FHIT: variants seen among roughly 807,000 people sequenced by gnomAD.
FHIT encodes the protein fragile histidine triad diadenosine triphosphatase.
Under a neutral mutation model 17.9 loss-of-function variants are expected in FHIT, and 19 were observed. That is an observed-to-expected ratio of 1.06 (90% CI 0.74 to 1.56). The LOEUF (loss-of-function observed/expected upper bound fraction) is 1.56, where lower values mean the gene tolerates loss of function less well. Among genes scored for constraint, FHIT ranks in the 40% most tolerant of loss-of-function variants. The probability of loss-of-function intolerance (pLI) is 0.00; values close to 1 mark genes in which losing one functional copy is unlikely to be tolerated. For synonymous variants in FHIT, 81 were observed against 69.7 expected (o/e 1.16, Z -0.81); for missense variants, 248 against 189.2 (o/e 1.31, Z -1.82).
At chr3:60,139,395 A>G (rs1470276070) in intron 5 of FHIT, among the ~76,000 whole-genome samples, 2 of 46 alleles carry the variant, frequency 0.043, no homozygotes, top group South Asian at 0.5. Context: ...AAAAGGGTTT[A>G]GCACCCACTA....
chr3:60,122,007 T>A (rs774052757), intron 5 of FHIT, among the ~76,000 whole-genome samples: 25 of 152,110 alleles, frequency 1.6e-4, no homozygotes, highest in Non-Finnish European at 3.5e-4. Flanking sequence ...TTCCTAAGTA[T>A]TGTGAGAAAT....
At chr3:60,937,567 C>CTTTT (rs5849404) in intron 3 of FHIT, among the ~76,000 whole-genome samples, 1 of 135,144 alleles carries the variant, frequency 7.4e-6, no homozygotes, top group African/African-American at 2.8e-5. Context: ...CTTTTCTTTT[C>CTTTT]TTTTTTTTTT....
At chr3:60,787,873 G>A (rs1313304954) in intron 4 of FHIT, among the ~76,000 whole-genome samples, 1 of 152,090 alleles carries the variant, frequency 6.6e-6, no homozygotes, top group Non-Finnish European at 1.5e-5. Context: ...CAGGTTGTTG[G>A]GGTGGGTTTT....
At chr3:60,438,589 T>C (rs1174388941) in intron 5 of FHIT, among the ~76,000 whole-genome samples, 1 of 152,050 alleles carries the variant, frequency 6.6e-6, no homozygotes, top group African/African-American at 2.4e-5. Flanking sequence ...TAATTTCTTT[T>C]AAACTAAGAA....
At position 60,929,973 on chromosome 3, in the gene FHIT, G is replaced by C. The variant is rs1175028461; in HGVS notation, c.-110-107962C>G. 3.9e-5 allele frequency among the ~76,000 whole-genome samples: 6 copies of C among 152,242 alleles called. 1 individual carries two copies. In the East Asian group the frequency reaches 7.7e-4, roughly 20 times the overall value. On this transcript the variant is annotated intron_variant, in intron 3 of 9. Transcript: ENST00000492590. Reference sequence around the variant, plus strand: ...CCTGACTTCAAACTATACTACACAAGGCTACAGTAATCAAAACAGCATGGT... The same window carrying C: ...CCTGACTTCAAACTATACTACACAACGCTACAGTAATCAAAACAGCATGGT...
At chr3:59,868,840 G>A (rs916130727) in intron 8 of FHIT, among the ~76,000 whole-genome samples, 1 of 152,098 alleles carries the variant, frequency 6.6e-6, no homozygotes, top group African/African-American at 2.4e-5. Flanking sequence ...GAAGGAGAAG[G>A]AGAAGAAGAA....
Position 61,113,381 on chromosome 3 carries a change from T to C in FHIT, c.-163-71282A>G, listed in dbSNP as rs373427963. 5.8e-4 allele frequency among the ~76,000 whole-genome samples: 88 copies of C among 152,274 alleles called. 3 individuals carry two copies. The South Asian group carries it at 8.5e-3, about 15-fold the overall frequency. ...TAGGAAAAATAAATAAACAAGATCA[T>C]AGAGTTATATTATACAATATAAAAT... On this transcript the variant is annotated intron_variant, in intron 2 of 9. Coordinates refer to ENST00000492590, the MANE Select transcript of FHIT (RefSeq NM_002012.4).
chr3:60,798,829 C>T (rs1361149598), intron 4 of FHIT, among the ~76,000 whole-genome samples: 1 of 142,360 alleles, frequency 7.0e-6, no homozygotes, highest in Non-Finnish European at 1.5e-5. Context: ...ATGTTCTTGG[C>T]TCACTGCAAC....
intron 3 of FHIT, among the ~76,000 whole-genome samples, chr3:61,014,808 A>AAAAAAAAAT (rs1156410696): frequency 0.063 from 1,694 of 26,876 alleles, 179 homozygotes; most frequent in Non-Finnish European, 0.089. Context: ...AAAAAAAAAA[A>AAAAAAAAAT]TATATATATA....
intron 4 of FHIT, among the ~76,000 whole-genome samples, chr3:60,803,435 C>G (rs534938768): frequency 6.6e-6 from 1 of 152,346 alleles, no homozygotes; most frequent in South Asian, 2.1e-4. Flanking sequence ...AGTAAAGACT[C>G]TTCCGCCCCA....
intron 2 of FHIT, among the ~76,000 whole-genome samples, chr3:61,157,851 GGACAGGGAAT>G (rs770404845): frequency 9.7e-4 from 147 of 152,230 alleles, no homozygotes; most frequent in Non-Finnish European, 1.3e-3. Context: ...AACTTAAAAA[GGACAGGGAAT>G]GATGAACATG....
At chr3:61,033,633 G>GA (rs1487539203) in intron 3 of FHIT, among the ~76,000 whole-genome samples, 7 of 152,174 alleles carry the variant, frequency 4.6e-5, no homozygotes, top group Non-Finnish European at 1.0e-4. Flanking sequence ...GCCTGGCACA[G>GA]AAGGAAAGAC....
chr3:60,062,352 G>A (rs549270305), intron 5 of FHIT, among the ~76,000 whole-genome samples: 3 of 152,296 alleles, frequency 2.0e-5, no homozygotes, highest in Non-Finnish European at 2.9e-5. Flanking sequence ...TAATGACAAT[G>A]AGGGTGGTTG....
intron 7 of FHIT, among the ~76,000 whole-genome samples, chr3:59,976,612 C>A (rs546535220): frequency 2.1e-4 from 32 of 152,136 alleles, no homozygotes; most frequent in African/African-American, 7.7e-4. Context: ...CACGCCCCAG[C>A]CTCTCACGCA....
chr3:59,982,811 G>C (rs1708712695), intron 7 of FHIT, among the ~76,000 whole-genome samples: 3 of 152,132 alleles, frequency 2.0e-5, no homozygotes. Context: ...CTACTGTCTT[G>C]GAACTGGGAT....
chr3:60,270,626 A>G (rs1376330220), intron 5 of FHIT, among the ~76,000 whole-genome samples: 2 of 152,240 alleles, frequency 1.3e-5, no homozygotes, highest in African/African-American at 4.8e-5. Flanking sequence ...ATTAAAAGCC[A>G]AATGGAAGGA....
intron 4 of FHIT, among the ~76,000 whole-genome samples, chr3:60,558,460 G>C (rs112834160): frequency 0.045 from 6,768 of 151,872 alleles, 499 homozygotes; most frequent in African/African-American, 0.15. Flanking sequence ...GCTCAGGAGA[G>C]TTTGAGTATG....
chr3:60,474,284 T>G lies in FHIT; in HGVS notation c.103+62576A>C, dbSNP rs568956847. Among the ~76,000 whole-genome samples, 5 of 152,332 alleles carry G rather than the reference T, an allele frequency of 3.3e-5. No individual in the cohort carries two copies. In the South Asian group the frequency reaches 8.3e-4, roughly 25 times the overall value. ...TTTCATCCATGGGAAAAGGAACATG[T>G]GTTCATATTACATTAACTTGAAAAA... On this transcript the variant is annotated intron_variant, in intron 5 of 9. Coordinates refer to ENST00000492590, the MANE Select transcript of FHIT (RefSeq NM_002012.4).
intron 5 of FHIT, among the ~76,000 whole-genome samples, chr3:60,389,320 T>C (rs1226898245): frequency 1.3e-5 from 2 of 152,192 alleles, no homozygotes; most frequent in East Asian, 1.9e-4. Context: ...ATGATATTTA[T>C]GGCAAGTTTT....
Sources: allele counts gnomAD v4.1 joint callset (sites outside exome capture counted in the v4.1 genomes callset), GRCh38; gene constraint gnomAD v4.1.1; transcripts MANE v1.5; gene names NCBI Gene and HGNC (gene_info 2026-07-23, HGNC 2026-07-21).